THSD7B: variants seen among roughly 807,000 people sequenced by gnomAD.
The protein encoded by THSD7B is thrombospondin type 1 domain containing 7B, also known as thrombospondin type-1 domain-containing protein 7B.
Under a neutral mutation model 213.6 loss-of-function variants are expected in THSD7B, and 138 were observed. The observed-to-expected ratio is 0.65, with a 90% CI of 0.56 to 0.74. The LOEUF (loss-of-function observed/expected upper bound fraction) is 0.74, where lower values mean the gene tolerates loss of function less well. Among genes scored for constraint, THSD7B ranks in the 30% least tolerant of loss-of-function variants. THSD7B has a pLI of 0.00. For synonymous variants in THSD7B, 742 were observed against 687.0 expected (o/e 1.08, Z -1.25); for missense variants, 1,931 against 1,991.5 (o/e 0.97, Z 0.58).
At chr2:137,426,898 A>G (rs1687067579) in intron 14 of THSD7B, among the ~76,000 whole-genome samples, 1 of 152,158 alleles carries the variant, frequency 6.6e-6, no homozygotes, top group Admixed American at 6.5e-5. Context: ...CCATATATTC[A>G]ATAAGGGGTT....
chr2:136,877,833 G>GA (rs924559850), intron 1 of THSD7B, among the ~76,000 whole-genome samples: 23 of 151,300 alleles, frequency 1.5e-4, no homozygotes, highest in African/African-American at 5.6e-4. Flanking sequence ...TTCCTGGGGG[G>GA]AAAAAAAAGA....
At chr2:137,130,516 T>C (rs1400930178) in intron 5 of THSD7B, among the ~76,000 whole-genome samples, 2 of 148,036 alleles carry the variant, frequency 1.4e-5, no homozygotes, top group East Asian at 4.1e-4. Flanking sequence ...CTCCTAATGC[T>C]ATCCCTTCCC....
intron 7 of THSD7B, among the ~76,000 whole-genome samples, chr2:137,221,030 C>G (rs911906701): frequency 6.6e-6 from 1 of 152,070 alleles, no homozygotes; most frequent in African/African-American, 2.4e-5. Context: ...AAAGTTAGAA[C>G]TGGCTCACGC....
At chr2:137,088,438 G>T (rs1016776264) in intron 3 of THSD7B, among the ~76,000 whole-genome samples, 2 of 151,758 alleles carry the variant, frequency 1.3e-5, no homozygotes, top group Admixed American at 6.6e-5. Flanking sequence ...ATAGGAGAAA[G>T]AAACTGGATC....
rs562703683 is a variant in THSD7B at position 136,831,871 on chromosome 2, C to T, written c.-35-50273C>T. 9.2e-5 allele frequency among the ~76,000 whole-genome samples: 14 copies of T among 152,292 alleles called. 1 individual carries two copies. In the South Asian group the frequency reaches 1.5e-3, roughly 16 times the overall value. ...AGGCTTATCCTTCCTTTAAGCCCAG[C>T]GCAGTCCTTCTGTATGGGCCTTTTC... is the stretch of plus-strand genomic sequence containing the variant. On this transcript the variant is annotated intron_variant, in intron 1 of 27. Transcript: ENST00000409968.
At chr2:137,524,515 G>A (rs1021719294) in intron 15 of THSD7B, among the ~76,000 whole-genome samples, 1 of 152,024 alleles carries the variant, frequency 6.6e-6, no homozygotes, top group African/African-American at 2.4e-5. Flanking sequence ...TTTTTTATAG[G>A]TGATGGCTGC....
chr2:137,461,735 A>AC (rs893648874), intron 15 of THSD7B, among the ~76,000 whole-genome samples: 6 of 152,034 alleles, frequency 3.9e-5, no homozygotes, highest in African/African-American at 1.4e-4. Context: ...ACGTTTTATG[A>AC]CCCCTCCCCA....
intron 15 of THSD7B, among the ~76,000 whole-genome samples, chr2:137,484,738 T>C (rs1240904086): frequency 7.6e-5 from 5 of 65,508 alleles, no homozygotes; most frequent in Admixed American, 3.7e-4. Context: ...TGGTATCTCA[T>C]TGTGGTTTTG....
At chr2:136,799,951 A>G (rs1337799802) in intron 1 of THSD7B, among the ~76,000 whole-genome samples, 3 of 152,002 alleles carry the variant, frequency 2.0e-5, no homozygotes, top group Admixed American at 1.3e-4. Context: ...AACTATGTCA[A>G]TATCCTGGTA....
At chr2:137,662,919 G>T (rs1301680366) in intron 25 of THSD7B, among the ~76,000 whole-genome samples, 1 of 152,016 alleles carries the variant, frequency 6.6e-6, no homozygotes, top group Non-Finnish European at 1.5e-5. Context: ...GACAAAATTA[G>T]CCAGGTGTGA....
intron 1 of THSD7B, among the ~76,000 whole-genome samples, chr2:136,879,951 C>A (rs1683592096): frequency 6.6e-6 from 1 of 152,100 alleles, no homozygotes; most frequent in South Asian, 2.1e-4. Flanking sequence ...TATAGGAGCA[C>A]CCAGATTCAT....
chr2:137,141,871 G>A (rs1428739359), intron 5 of THSD7B, among the ~76,000 whole-genome samples: 2 of 151,880 alleles, frequency 1.3e-5, no homozygotes, highest in Non-Finnish European at 2.9e-5. Flanking sequence ...ATGTTTTTTT[G>A]CTATCACCCT....
At chr2:137,023,412 A>G (rs1686482987) in intron 2 of THSD7B, among the ~76,000 whole-genome samples, 1 of 152,090 alleles carries the variant, frequency 6.6e-6, no homozygotes, top group African/African-American at 2.4e-5. Flanking sequence ...CCTGTAGCGG[A>G]TAACCTGTAT....
intron 12 of THSD7B, among the ~76,000 whole-genome samples, chr2:137,312,634 G>C (rs1025102891): frequency 6.7e-6 from 1 of 150,102 alleles, no homozygotes; most frequent in Admixed American, 6.6e-5. Context: ...GCTTTCTCTT[G>C]TGGGCATTTA....
intron 15 of THSD7B, among the ~76,000 whole-genome samples, chr2:137,472,497 A>C (rs1432040691): frequency 2.0e-5 from 3 of 152,216 alleles, no homozygotes; most frequent in African/African-American, 7.2e-5. Flanking sequence ...AACAAAAAAA[A>C]TTAAGTGGCA....
At chr2:137,174,791 A>T (rs1327469761) in intron 7 of THSD7B, among the ~76,000 whole-genome samples, 1 of 152,202 alleles carries the variant, frequency 6.6e-6, no homozygotes, top group East Asian at 1.9e-4. Flanking sequence ...ACAATATCTT[A>T]TCAAATGTCA....
At chr2:137,031,911 C>T (rs764970205) in intron 2 of THSD7B, among the ~76,000 whole-genome samples, 74 of 151,168 alleles carry the variant, frequency 4.9e-4, no homozygotes, top group Non-Finnish European at 6.5e-4. Context: ...ACATGCTCAC[C>T]GCTCACTACA....
chr2:136,860,076 G>A (rs930603194), intron 1 of THSD7B, among the ~76,000 whole-genome samples: 4 of 139,826 alleles, frequency 2.9e-5, no homozygotes, highest in East Asian at 4.3e-4. Context: ...GGAGTGCAGC[G>A]GCGTGATCTC....
chr2:137,008,550 A>G (rs377052658), intron 2 of THSD7B, among the ~76,000 whole-genome samples: 1 of 152,172 alleles, frequency 6.6e-6, no homozygotes, highest in East Asian at 1.9e-4. Context: ...AAGCTCTCTT[A>G]TAATAAGATT....
Sources: gnomAD v4.1 joint callset for allele counts (sites outside exome capture counted in the v4.1 genomes callset) on GRCh38, gnomAD v4.1.1 for gene constraint, MANE v1.5 for transcripts, NCBI Gene and HGNC (gene_info 2026-07-23, HGNC 2026-07-21) for gene names.